ITPRID1: variants seen among roughly 807,000 people sequenced by gnomAD.
ITPRID1 encodes protein ITPRID1.
ITPRID1 carries 96 observed loss-of-function variants against 95.4 expected under a neutral mutation model. The ratio of observed to expected loss-of-function variants is 1.01; its 90% CI spans 0.85 to 1.19. The LOEUF (loss-of-function observed/expected upper bound fraction) is 1.19. Ranked by LOEUF, ITPRID1 falls within the 50% of genes most tolerant of loss-of-function variation. ITPRID1 has a pLI of 0.00. For synonymous variants in ITPRID1, 510 were observed against 453.6 expected, an observed-to-expected ratio of 1.12 and a Z score of -1.58; for missense variants, 1,339 against 1,252.9, an observed-to-expected ratio of 1.07 and a Z score of -1.04.
chr7:31,554,841 C>T lies in ITPRID1; in HGVS notation c.213-17C>T. ...TACACACATTGTTTGACTCACAATA[C>T]TTTTGTTTCTTTACAGTGTCTCTGC... is the stretch of plus-strand genomic sequence containing the variant. On this transcript the variant is annotated splice_polypyrimidine_tract_variant and intron_variant, in intron 4 of 14. Coordinates refer to ENST00000615280, the MANE Select transcript of ITPRID1 (RefSeq NM_001257967.3). The T allele has an allele frequency of 1.3e-6, 2 of 1,555,734 alleles. No individual in the cohort carries two copies. Among genetic ancestry groups the T allele is most frequent in the East Asian group, 2.4e-5 (1 of 42,198 alleles).
chr7:31,648,820 G>T (rs566394800), intron 12 of ITPRID1, among the ~76,000 whole-genome samples: 14 of 152,206 alleles, frequency 9.2e-5, no homozygotes, highest in Non-Finnish European at 1.5e-4. Flanking sequence ...CAGCTATACT[G>T]TGGTCCCTGC....
At chr7:31,537,056 G>C (rs1783779438) in intron 1 of ITPRID1, among the ~76,000 whole-genome samples, 1 of 148,260 alleles carries the variant, frequency 6.7e-6, no homozygotes, top group South Asian at 2.2e-4. Context: ...ATAGCCTGCT[G>C]TTGCTTCCTA....
intron 10 of ITPRID1, among the ~76,000 whole-genome samples, chr7:31,627,673 A>AAAAT: frequency 6.6e-6 from 1 of 151,596 alleles, no homozygotes; most frequent in East Asian, 1.9e-4. Flanking sequence ...AAAAAAAAAA[A>AAAAT]AAAAAAAAAA....
At chr7:31,638,375 C>T (rs1411810734) in intron 10 of ITPRID1, among the ~76,000 whole-genome samples, 1 of 152,154 alleles carries the variant, frequency 6.6e-6, no homozygotes, top group Admixed American at 6.5e-5. Flanking sequence ...AGGTTAAAGG[C>T]TCTGTAAAAG....
At chr7:31,621,309 A>G (rs1255280005) in intron 10 of ITPRID1, among the ~76,000 whole-genome samples, 1 of 78,730 alleles carries the variant, frequency 1.3e-5, no homozygotes, top group Non-Finnish European at 2.7e-5. Flanking sequence ...TAATTGTCAG[A>G]TTCACCAAAG....
At chr7:31,549,527 A>G (rs1161205530) in intron 2 of ITPRID1, 28 bp downstream of exon 2, 12 of 1,478,456 alleles carry the variant, frequency 8.1e-6, no homozygotes, top group Non-Finnish European at 1.1e-5. Flanking sequence ...ATTTTTCATT[A>G]AATTTTCCCA....
intron 1 of ITPRID1, among the ~76,000 whole-genome samples, chr7:31,548,737 C>A (rs1451525874): frequency 6.6e-6 from 1 of 152,100 alleles, no homozygotes; most frequent in African/African-American, 2.4e-5. Flanking sequence ...AGAGTGCCAG[C>A]CTCTCAGGAC....
intron 10 of ITPRID1, among the ~76,000 whole-genome samples, chr7:31,599,974 A>G (rs557935203): frequency 6.6e-6 from 1 of 152,220 alleles, no homozygotes; most frequent in East Asian, 1.9e-4. Flanking sequence ...CTGGGATTAC[A>G]GGCGTGAGCC....
At chr7:31,632,812 C>T (rs1361316901) in intron 10 of ITPRID1, among the ~76,000 whole-genome samples, 2 of 152,248 alleles carry the variant, frequency 1.3e-5, no homozygotes, top group African/African-American at 4.8e-5. Context: ...ACACAAACAG[C>T]CTGAAAAGCC....
At chr7:31,559,414 A>G (rs552251723) in intron 5 of ITPRID1, among the ~76,000 whole-genome samples, 1 of 152,302 alleles carries the variant, frequency 6.6e-6, no homozygotes, top group South Asian at 2.1e-4. Context: ...TAATCCCAGC[A>G]CTTTGGGAAG....
At chr7:31,605,133 AT>A (rs1212906916) in intron 10 of ITPRID1, among the ~76,000 whole-genome samples, 1 of 49,584 alleles carries the variant, frequency 2.0e-5, no homozygotes. Flanking sequence ...GGGAGACCCC[AT>A]CTCAAAAAAA....
At chr7:31,658,536 G>A (rs530960871), downstream of ITPRID1, 1 of 524,204 alleles carries the variant, frequency 1.9e-6, no homozygotes, top group Non-Finnish European at 3.0e-6. Context: ...GTGGAATGGT[G>A]GGTTGCATAC....
intron 2 of ITPRID1, among the ~76,000 whole-genome samples, chr7:31,551,451 C>T (rs1259399965): frequency 7.0e-6 from 1 of 143,462 alleles, no homozygotes; most frequent in African/African-American, 2.5e-5. Flanking sequence ...AATTTGCTAC[C>T]AGCAGATATT....
At chr7:31,617,588 A>G (rs112530277) in intron 10 of ITPRID1, among the ~76,000 whole-genome samples, 51 of 152,302 alleles carry the variant, frequency 3.3e-4, no homozygotes, top group African/African-American at 1.2e-3. Context: ...AGTCTCTTCC[A>G]TTAACAGCAG....
chr7:31,635,379 C>T (rs538932652), intron 10 of ITPRID1, among the ~76,000 whole-genome samples: 1 of 152,162 alleles, frequency 6.6e-6, no homozygotes, highest in African/African-American at 2.4e-5. Context: ...GACATGCAGG[C>T]ATTTCACTTC....
Position 31,643,049 on chromosome 7 carries a change from C to T in ITPRID1, c.1679C>T (p.Ser560Phe). 6.2e-7 allele frequency: 1 copy of T among 1,613,964 alleles called. No homozygotes were observed. The highest frequency in any genetic ancestry group is 8.5e-7 in the Non-Finnish European group (1 of 1,179,900). ...GAGGTCACCAGACCCACAGCCACTTCCAAATATGATCATCCTCTGGGGTTT... is the reference window on the plus strand; with the variant it reads ...GAGGTCACCAGACCCACAGCCACTTTCAAATATGATCATCCTCTGGGGTTT... ...EYEVTRPTAT[S>F]KYDHPLGFMV... Residue 560 changes from serine (S) to phenylalanine (F), a missense_variant, in exon 12 of 15, where the codon TCC (serine) becomes TTC (phenylalanine). Ser to Phe is a radical substitution (Grantham distance 155). Coordinates refer to ENST00000615280, the MANE Select transcript of ITPRID1 (RefSeq NM_001257967.3).
At chr7:31,648,391 A>T (rs1384866907) in intron 12 of ITPRID1, among the ~76,000 whole-genome samples, 2 of 151,874 alleles carry the variant, frequency 1.3e-5, no homozygotes, top group Non-Finnish European at 2.9e-5. Flanking sequence ...GTTTTTATTT[A>T]TTTTTTTTCT....
Position 31,642,205 on chromosome 7 carries a change from C to T in ITPRID1, c.1258C>T (p.Gln420Ter). 1 of 1,561,798 alleles carries T rather than the reference C, an allele frequency of 6.4e-7. No homozygotes were observed. Among genetic ancestry groups the T allele is most frequent in the Non-Finnish European group, 8.7e-7 (1 of 1,153,880 alleles). The change falls in exon 11 of 15, where the codon CAG becomes TAG. Residue 420 changes from glutamine (Q) to a stop codon, truncating the protein, a stop_gained. Coordinates refer to ENST00000615280, the MANE Select transcript of ITPRID1 (RefSeq NM_001257967.3). LOFTEE classifies it high-confidence loss of function. The part of the protein sequence containing the change: ...GARVDRANSC[Q>*]SDSSGFLEEP... ...CAGGGTGGACAGAGCAAATAGCTGC[C>T]AGTCTGACAGCAGCGGGTTCCTGGA...
At chr7:31,638,510 T>G (rs1434911847) in intron 10 of ITPRID1, among the ~76,000 whole-genome samples, 1 of 152,234 alleles carries the variant, frequency 6.6e-6, no homozygotes, top group Non-Finnish European at 1.5e-5. Context: ...CACGACATTG[T>G]TAATTTTTTT....
Sources: allele counts gnomAD v4.1 joint callset (sites outside exome capture counted in the v4.1 genomes callset), GRCh38; gene constraint gnomAD v4.1.1; transcripts MANE v1.5; gene names NCBI Gene and HGNC (gene_info 2026-07-23, HGNC 2026-07-21).